The following MAN1A1 variants were observed in gnomAD, a reference collection of about 807,000 sequenced individuals.
The protein encoded by MAN1A1 is mannosyl-oligosaccharide 1,2-alpha-mannosidase IA.
A neutral mutation model predicts 70.8 loss-of-function variants in MAN1A1; 29 were observed. That is an observed-to-expected ratio of 0.41 (90% confidence interval 0.31 to 0.56). MAN1A1 has a LOEUF of 0.56. MAN1A1 is among the 20% of genes least tolerant of loss of function. The pLI is 0.29. For synonymous variants in MAN1A1, 349 were observed against 330.1 expected (o/e 1.06, Z -0.62); for missense variants, 747 against 841.3 (o/e 0.89, Z 1.39).
chr6:119,319,583 A>G (rs1772951338), intron 2 of MAN1A1, among the ~76,000 whole-genome samples: 1 of 152,212 alleles, frequency 6.6e-6, no homozygotes, highest in African/African-American at 2.4e-5. Context: ...TTAGGAAGTA[A>G]AAGAAATGTC....
chr6:119,316,201 G>C (rs1157650159), intron 2 of MAN1A1, among the ~76,000 whole-genome samples: 1 of 143,966 alleles, frequency 6.9e-6, no homozygotes, highest in Non-Finnish European at 1.5e-5. Context: ...TTTTGAGATG[G>C]AGTTTTGCTC....
At position 119,302,052 on chromosome 6, in the gene MAN1A1, A is replaced by G. The variant is rs758367361; in HGVS notation, c.752T>C (p.Met251Thr). The G allele has an allele frequency of 1.2e-6, 2 of 1,611,048 alleles. No homozygotes were observed. Among genetic ancestry groups the G allele is most frequent in the South Asian group, 1.1e-5 (1 of 90,938 alleles). The change falls in exon 4 of 13, where the codon ATG (methionine) becomes ACG (threonine). Residue 251 changes from methionine (M) to threonine (T), a missense_variant. Coordinates refer to ENST00000368468, the MANE Select transcript of MAN1A1 (RefSeq NM_005907.4). ...TTCTTCAAATTCATGTTTCATTTCC[A>G]TAATAAAAAGTGTATCCAGGGCATC... The part of the protein sequence containing the change: ...IVDALDTLFI[M>T]EMKHEFEEAK...
At chr6:119,209,201 T>C (rs768048570) in intron 6 of MAN1A1, among the ~76,000 whole-genome samples, 1 of 151,974 alleles carries the variant, frequency 6.6e-6, no homozygotes, top group Non-Finnish European at 1.5e-5. Flanking sequence ...AGATAATTTA[T>C]AGAACTGAAG....
At chr6:119,298,750 C>A (rs889806497) in intron 4 of MAN1A1, among the ~76,000 whole-genome samples, 14 of 151,880 alleles carry the variant, frequency 9.2e-5, no homozygotes, top group African/African-American at 3.1e-4. Context: ...GCGTGTGCCA[C>A]CATGCCTGGG....
intron 3 of MAN1A1, among the ~76,000 whole-genome samples, chr6:119,302,755 T>C (rs987392051): frequency 1.3e-5 from 2 of 152,182 alleles, no homozygotes; most frequent in South Asian, 2.1e-4. Context: ...CTGATGTAAT[T>C]ACATCAAAGT....
At chr6:119,300,490 G>A (rs570397756) in intron 4 of MAN1A1, among the ~76,000 whole-genome samples, 7 of 152,074 alleles carry the variant, frequency 4.6e-5, no homozygotes, top group African/African-American at 9.6e-5. Context: ...TCCTGACATC[G>A]TGATCCAACT....
chr6:119,325,105 G>A (rs928191947), intron 2 of MAN1A1, among the ~76,000 whole-genome samples: 2 of 152,106 alleles, frequency 1.3e-5, no homozygotes, highest in African/African-American at 4.8e-5. Context: ...TACAATTCCA[G>A]ACACTTTACA....
At chr6:119,257,524 C>T (rs1398238948) in intron 5 of MAN1A1, among the ~76,000 whole-genome samples, 1 of 152,028 alleles carries the variant, frequency 6.6e-6, no homozygotes, top group Non-Finnish European at 1.5e-5. Context: ...AAAAAAAATA[C>T]TGTATTGGCT....
intron 3 of MAN1A1, among the ~76,000 whole-genome samples, chr6:119,306,370 G>A (rs1249285632): frequency 1.3e-5 from 2 of 152,134 alleles, no homozygotes; most frequent in African/African-American, 2.4e-5. Context: ...GGAACCAAAT[G>A]CAATAAAGCT....
chr6:119,245,403 T>C (rs1775143689), intron 6 of MAN1A1, among the ~76,000 whole-genome samples: 2 of 152,056 alleles, frequency 1.3e-5, no homozygotes, highest in African/African-American at 4.8e-5. Flanking sequence ...ACTGTGAAAA[T>C]AAAGTGATTC....
chr6:119,294,476 TGA>T (rs1320545411), intron 4 of MAN1A1, among the ~76,000 whole-genome samples: 1 of 152,102 alleles, frequency 6.6e-6, no homozygotes, highest in Admixed American at 6.6e-5. Context: ...TCTACCTATC[TGA>T]GTTTGTTTTA....
chr6:119,305,898 C>G (rs1301981439), intron 3 of MAN1A1, among the ~76,000 whole-genome samples: 1 of 152,112 alleles, frequency 6.6e-6, no homozygotes, highest in Non-Finnish European at 1.5e-5. Flanking sequence ...AGCATGGACT[C>G]TAATGTTAGC....
chr6:119,202,360 C>T (rs1235687004), intron 7 of MAN1A1, among the ~76,000 whole-genome samples: 1 of 152,118 alleles, frequency 6.6e-6, no homozygotes, highest in Non-Finnish European at 1.5e-5. Context: ...TACATCTTAT[C>T]GCACTGGAAG....
chr6:119,322,217 C>G (rs1366399293), intron 2 of MAN1A1, among the ~76,000 whole-genome samples: 2 of 152,186 alleles, frequency 1.3e-5, no homozygotes, highest in Non-Finnish European at 2.9e-5. Context: ...CAATTCCTGT[C>G]CACAAGGAGC....
At chr6:119,271,506 T>C (rs1356155617) in intron 5 of MAN1A1, among the ~76,000 whole-genome samples, 1 of 146,998 alleles carries the variant, frequency 6.8e-6, no homozygotes, top group African/African-American at 2.5e-5. Flanking sequence ...AGCCCCATCT[T>C]TTTTTTTTTT....
chr6:119,322,549 G>A (rs1773039179), intron 2 of MAN1A1, among the ~76,000 whole-genome samples: 1 of 152,128 alleles, frequency 6.6e-6, no homozygotes, highest in Non-Finnish European at 1.5e-5. Flanking sequence ...ACACCGAAAC[G>A]AGGCAAGAAA....
intron 5 of MAN1A1, among the ~76,000 whole-genome samples, chr6:119,260,165 A>G (rs1179850982): frequency 6.6e-6 from 1 of 152,194 alleles, no homozygotes; most frequent in Admixed American, 6.5e-5. Flanking sequence ...TCTCACGTTT[A>G]TTTTTAATAA....
intron 9 of MAN1A1, among the ~76,000 whole-genome samples, chr6:119,192,812 G>C (rs938311671): frequency 6.6e-6 from 1 of 152,104 alleles, no homozygotes; most frequent in African/African-American, 2.4e-5. Flanking sequence ...TTCCTGAAGA[G>C]TACAAATATT....
intron 6 of MAN1A1, among the ~76,000 whole-genome samples, chr6:119,205,952 G>C (rs760523281): frequency 6.6e-6 from 1 of 152,214 alleles, no homozygotes; most frequent in Non-Finnish European, 1.5e-5. Flanking sequence ...AATCACACAT[G>C]ATGAATGCCG....
Sources: allele counts gnomAD v4.1 joint callset (sites outside exome capture counted in the v4.1 genomes callset), GRCh38; gene constraint gnomAD v4.1.1; transcripts MANE v1.5; gene names NCBI Gene and HGNC (gene_info 2026-07-23, HGNC 2026-07-21).